The following DZIP1 variants were observed in gnomAD, a reference collection of about 807,000 sequenced individuals.
The protein encoded by DZIP1 is cilium assembly protein DZIP1.
A neutral mutation model predicts 107.6 loss-of-function variants in DZIP1; 97 were observed. That is an observed-to-expected ratio of 0.90 (90% CI 0.77 to 1.07). DZIP1 has a LOEUF of 1.07. DZIP1 is among the 50% of genes least tolerant of loss of function. The pLI, the probability that DZIP1 is intolerant of heterozygous loss-of-function variation, is 0.00. For synonymous variants in DZIP1, 390 were observed against 386.4 expected (o/e 1.01, Z -0.11); for missense variants, 1,035 against 1,063.6 (o/e 0.97, Z 0.37).
At chr13:95,609,268 A>G (rs1406656738) in intron 13 of DZIP1, among the ~76,000 whole-genome samples, 189 bp downstream of exon 13, 1 of 152,256 alleles carries the variant, frequency 6.6e-6, no homozygotes, top group East Asian at 1.9e-4. Context: ...TCACCACAAC[A>G]TCATGTGGAT....
chr13:95,609,498 C>T lies in DZIP1; in HGVS notation c.1379G>A (p.Trp460Ter). 6.3e-7 allele frequency: 1 copy of T among 1,586,194 alleles called. No homozygotes were observed. Among genetic ancestry groups the T allele is most frequent in the Non-Finnish European group, 8.6e-7 (1 of 1,167,104 alleles). ...ISEPKGNPLAWQAFESQPAAP... is the reference protein window; with the variant it reads ...ISEPKGNPLA The stretch of plus-strand genomic sequence containing the variant: ...AGCTGGCTGAGATTCAAAAGCCTGC[C>T]AGGCTAAAGGATTTCCTGAAATGAC... Residue 460 changes from tryptophan to a stop codon, truncating the protein, a stop_gained, in exon 13 of 23, where the codon TGG (tryptophan) becomes TAG (stop). Transcript: ENST00000376829. LOFTEE classifies it high-confidence loss of function.
chr13:95,626,308 T>A (rs1022389858), intron 7 of DZIP1, among the ~76,000 whole-genome samples: 24 of 152,176 alleles, frequency 1.6e-4, no homozygotes, highest in Admixed American at 1.6e-3. Flanking sequence ...TTTGGTTCTT[T>A]ACAAAGATCA....
chr13:95,601,297 C>T (rs1035330237), intron 14 of DZIP1, among the ~76,000 whole-genome samples: 2 of 152,140 alleles, frequency 1.3e-5, no homozygotes, highest in African/African-American at 4.8e-5. Context: ...GAGGGAAGGA[C>T]CTGCCCTGCT....
intron 14 of DZIP1, among the ~76,000 whole-genome samples, chr13:95,605,256 C>T (rs2044738090): frequency 6.6e-6 from 1 of 152,104 alleles, no homozygotes; most frequent in South Asian, 2.1e-4. Context: ...TGAAATAATC[C>T]TTGGATTCCA....
intron 14 of DZIP1, among the ~76,000 whole-genome samples, chr13:95,605,000 T>C (rs2044729827): frequency 6.6e-6 from 1 of 152,188 alleles, no homozygotes; most frequent in African/African-American, 2.4e-5. Flanking sequence ...AAGATCAATA[T>C]GTGGAGAATT....
intron 16 of DZIP1, among the ~76,000 whole-genome samples, chr13:95,592,552 A>T (rs1384090302): frequency 6.6e-6 from 1 of 152,234 alleles, no homozygotes; most frequent in Non-Finnish European, 1.5e-5. Context: ...GTGAGTTGGT[A>T]CAAGGACTTT....
intron 19 of DZIP1, 120 bp from the exon 20 acceptor site, chr13:95,587,849 AG>A (rs1360684397): frequency 1.6e-6 from 2 of 1,278,118 alleles, no homozygotes; most frequent in Non-Finnish European, 2.1e-6. Flanking sequence ...AGTGGGCACA[AG>A]TGCCTTTGGG....
chr13:95,594,835 C>A (rs1206435317), intron 15 of DZIP1, among the ~76,000 whole-genome samples: 2 of 151,492 alleles, frequency 1.3e-5, no homozygotes, highest in African/African-American at 4.9e-5. Flanking sequence ...AACAATAGGA[C>A]ATATTCTCCT....
At chr13:95,590,806 A>G (rs1162845244) in intron 16 of DZIP1, among the ~76,000 whole-genome samples, 2 of 152,218 alleles carry the variant, frequency 1.3e-5, no homozygotes, top group Non-Finnish European at 2.9e-5. Flanking sequence ...TCAAACAAGT[A>G]AAAACAAGGA....
At chr13:95,638,282 G>T (rs1015071379) in intron 5 of DZIP1, among the ~76,000 whole-genome samples, 5 of 151,832 alleles carry the variant, frequency 3.3e-5, no homozygotes, top group Admixed American at 2.6e-4. Flanking sequence ...TAGAGATGGG[G>T]TTATACCATG....
intron 13 of DZIP1, among the ~76,000 whole-genome samples, chr13:95,608,192 C>T (rs1040046537): frequency 2.3e-4 from 35 of 152,126 alleles, no homozygotes; most frequent in African/African-American, 4.3e-4. Flanking sequence ...TTTTCTAGAG[C>T]CAGTGGCATC....
At chr13:95,622,740 C>T (rs2139272315) in intron 8 of DZIP1, among the ~76,000 whole-genome samples, 1 of 139,588 alleles carries the variant, frequency 7.2e-6, no homozygotes, top group African/African-American at 2.6e-5. Context: ...TTAAACGAGT[C>T]TAATTTTTTT....
chr13:95,643,235 C>A lies in DZIP1; in HGVS notation c.-405G>T, dbSNP rs1192190072. 1 of 151,956 alleles carries A rather than the reference C, an allele frequency of 6.6e-6. No homozygotes were observed. The highest frequency in any genetic ancestry group is 2.4e-5 in the African/African-American group (1 of 41,358). The allele number at this position is 151,956 out of a possible 1,614,324, so 9.4% of individuals were successfully genotyped here. Reference sequence around the variant, plus strand: ...CCGGGGAATTCCTGCTTGGACCAGACATCAGGAATTTTTTTTTCTTTCCTA... The same window carrying A: ...CCGGGGAATTCCTGCTTGGACCAGAAATCAGGAATTTTTTTTTCTTTCCTA... On this transcript the variant is annotated 5_prime_UTR_variant, in exon 3 of 23. It removes an upstream start codon present in the reference 5' UTR. Coordinates refer to ENST00000376829, the MANE Select transcript of DZIP1 (RefSeq NM_198968.4).
intron 7 of DZIP1, among the ~76,000 whole-genome samples, chr13:95,625,271 C>T (rs1334751969): frequency 1.3e-5 from 2 of 152,110 alleles, no homozygotes; most frequent in Admixed American, 6.6e-5. Flanking sequence ...AATAAAAGAA[C>T]ATTTGTTGGC....
At position 95,590,474 on chromosome 13, in the gene DZIP1, T is replaced by C. The variant is rs2044282671; in HGVS notation, c.1681-33A>G. ...AATAAGATGTTAAGTTGGCCAGTTA[T>C]CCTGGGAGGTTTCATTTCATGGGCA... On this transcript the variant is annotated intron_variant, in intron 16 of 22. Coordinates refer to ENST00000376829, the MANE Select transcript of DZIP1 (RefSeq NM_198968.4). The C allele has an allele frequency of 4.5e-6, 7 of 1,572,746 alleles. 1 individual carries two copies. In the South Asian group the frequency reaches 8.4e-5, roughly 19 times the overall value.
At position 95,593,963 on chromosome 13, in the gene DZIP1, T is replaced by C; in HGVS notation, c.1661A>G (p.Glu554Gly). 6.2e-7 allele frequency: 1 copy of C among 1,609,458 alleles called. No homozygotes were observed. Among genetic ancestry groups the C allele is most frequent in the Non-Finnish European group, 8.5e-7 (1 of 1,178,572 alleles). The change falls in exon 16 of 23, where the codon GAA (glutamate) becomes GGA (glycine). Residue 554 changes from glutamate (E) to glycine (G), a missense_variant. Transcript: ENST00000376829. ...ACATACTGCATTAATCCCCAAGGTTTCCAGTTTCTCCATCAAGTTCTGCTC... is the reference window on the plus strand; with the variant it reads ...ACATACTGCATTAATCCCCAAGGTTCCCAGTTTCTCCATCAAGTTCTGCTC... Reference protein sequence around the residue: ...MVEQNLMEKLETLGINADIRG... With the variant: ...MVEQNLMEKLGTLGINADIRG...
rs546575501 is a variant in DZIP1 at position 95,616,703 on chromosome 13, G to A, written c.1173+3182C>T. Among the ~76,000 whole-genome samples, 122 of 152,226 alleles carry A rather than the reference G, an allele frequency of 8.0e-4. 4 individuals are homozygous for A. The South Asian group carries it at 0.025, about 31-fold the overall frequency. On this transcript the variant is annotated intron_variant, in intron 10 of 22. Transcript: ENST00000376829. Reference sequence around the variant, plus strand: ...GCAATGGGGTAGGCAGGGTTCTCAGGGGGCCCTCAAGGTTGTACCCCTGGT... The same window carrying A: ...GCAATGGGGTAGGCAGGGTTCTCAGAGGGCCCTCAAGGTTGTACCCCTGGT...
chr13:95,623,872 G>C (rs1016801684), intron 8 of DZIP1, among the ~76,000 whole-genome samples: 1 of 152,196 alleles, frequency 6.6e-6, no homozygotes, highest in African/African-American at 2.4e-5. Context: ...CCAGGAGGCA[G>C]AGGTTGCAGT....
chr13:95,587,490 A>G, intron 20 of DZIP1, 49 bp downstream of exon 20: 1 of 1,592,206 alleles, frequency 6.3e-7, no homozygotes, highest in Non-Finnish European at 8.6e-7. Context: ...GGGTGAGGAC[A>G]ACTGTCCTAA....
Sources: allele counts gnomAD v4.1 joint callset (sites outside exome capture counted in the v4.1 genomes callset), GRCh38; gene constraint gnomAD v4.1.1; transcripts MANE v1.5; gene names NCBI Gene and HGNC (gene_info 2026-07-23, HGNC 2026-07-21).